ENOX1: variants seen among roughly 807,000 people sequenced by gnomAD.
The protein encoded by ENOX1 is ecto-NOX disulfide-thiol exchanger 1, also known as candidate growth-related and time keeping constitutive hydroquinone (NADH) oxidase.
A neutral mutation model predicts 82.5 loss-of-function variants in ENOX1; 42 were observed. The ratio of observed to expected loss-of-function variants is 0.51; its 90% CI spans 0.40 to 0.66. The LOEUF is 0.66. Among genes scored for constraint, ENOX1 ranks in the 30% least tolerant of loss-of-function variants. The pLI is 0.00. For missense variants in ENOX1, 608 were observed against 811.6 expected, an observed-to-expected ratio of 0.75 and a Z score of 3.05; for synonymous variants, 271 against 282.2, an observed-to-expected ratio of 0.96 and a Z score of 0.40.
intron 1 of ENOX1, among the ~76,000 whole-genome samples, chr13:43,694,745 C>T (rs2086549581): frequency 6.6e-6 from 1 of 152,022 alleles, no homozygotes; most frequent in South Asian, 2.1e-4. Flanking sequence ...ACCACTTTGC[C>T]CTCTCCTATT....
chr13:43,495,668 T>C (rs1216691836), intron 2 of ENOX1, among the ~76,000 whole-genome samples: 1 of 110,696 alleles, frequency 9.0e-6, no homozygotes, highest in African/African-American at 2.8e-5. Flanking sequence ...CAGGGCTTTA[T>C]GTTCTTATAC....
rs187499850 is a variant in ENOX1, at chr13:43,416,975, G to C, written c.-74-3987C>G. Among the ~76,000 whole-genome samples the C allele has an allele frequency of 1.9e-3, 285 of 152,316 alleles. 2 individuals carry two copies. The highest frequency in any genetic ancestry group is 0.014 in the Middle Eastern group (4 of 294). On this transcript the variant is annotated intron_variant, in intron 3 of 16. Coordinates refer to ENST00000690772, the MANE Select transcript of ENOX1 (RefSeq NM_001347969.2). ...TTCAATCCCAGCACCTCGGGAGGCCGGGGCGGGCAGATCACTCGAGGTCAA... is the reference window on the plus strand; with the variant it reads ...TTCAATCCCAGCACCTCGGGAGGCCCGGGCGGGCAGATCACTCGAGGTCAA...
intron 1 of ENOX1, among the ~76,000 whole-genome samples, chr13:43,676,725 G>A (rs1449245126): frequency 6.6e-6 from 1 of 152,050 alleles, no homozygotes; most frequent in African/African-American, 2.4e-5. Flanking sequence ...TGAAATAACT[G>A]GACTGAGAAC....
chr13:43,370,984 G>A (rs759689146), intron 5 of ENOX1, among the ~76,000 whole-genome samples: 2 of 151,422 alleles, frequency 1.3e-5, no homozygotes, highest in South Asian at 2.1e-4. Context: ...ATCAGCCAGC[G>A]ATGCACACGG....
chr13:43,598,560 G>C (rs2081567876), intron 2 of ENOX1, among the ~76,000 whole-genome samples: 1 of 152,170 alleles, frequency 6.6e-6, no homozygotes, highest in Non-Finnish European at 1.5e-5. Flanking sequence ...TCTATGGGCA[G>C]AAGACACAAG....
At chr13:43,729,625 T>C (rs1319813358) in intron 1 of ENOX1, among the ~76,000 whole-genome samples, 1 of 152,230 alleles carries the variant, frequency 6.6e-6, no homozygotes, top group Non-Finnish European at 1.5e-5. Flanking sequence ...GTGCATTCTC[T>C]ACCATCTCTC....
chr13:43,770,686 TACACACACACACACACACACACACAC>T (rs149111203), intron 1 of ENOX1, among the ~76,000 whole-genome samples: 2 of 146,244 alleles, frequency 1.4e-5, no homozygotes, highest in East Asian at 2.0e-4. Flanking sequence ...TACGTATGTG[TACACACACACACACACACACACACAC>T]ACACACACAC....
chr13:43,423,562 C>T (rs998856862), intron 3 of ENOX1, among the ~76,000 whole-genome samples: 2 of 152,230 alleles, frequency 1.3e-5, no homozygotes, highest in Non-Finnish European at 2.9e-5. Context: ...TATCCAGCCT[C>T]AGCTAGTGAT....
At chr13:43,573,521 A>G (rs576813146) in intron 2 of ENOX1, among the ~76,000 whole-genome samples, 17 of 152,230 alleles carry the variant, frequency 1.1e-4, no homozygotes, top group Non-Finnish European at 2.4e-4. Context: ...AGGGCGTGAC[A>G]TTAGCATGAA....
intron 1 of ENOX1, among the ~76,000 whole-genome samples, chr13:43,705,438 A>G (rs1000334064): frequency 1.3e-5 from 2 of 151,506 alleles, no homozygotes; most frequent in Admixed American, 1.3e-4. Context: ...ATTAAAAAAG[A>G]TGCACTTTAA....
At chr13:43,254,602 A>G (rs1050183560) in intron 14 of ENOX1, among the ~76,000 whole-genome samples, 3 of 152,238 alleles carry the variant, frequency 2.0e-5, no homozygotes, top group African/African-American at 7.2e-5. Context: ...CTTATTATCC[A>G]TGAGAACAAA....
intron 12 of ENOX1, among the ~76,000 whole-genome samples, chr13:43,285,239 T>C (rs2045626332): frequency 6.6e-6 from 1 of 152,206 alleles, no homozygotes; most frequent in African/African-American, 2.4e-5. Flanking sequence ...CCAGACACTT[T>C]AACTGACTAA....
At chr13:43,373,156 C>T (rs949316070) in intron 5 of ENOX1, among the ~76,000 whole-genome samples, 3 of 151,316 alleles carry the variant, frequency 2.0e-5, no homozygotes, top group East Asian at 1.9e-4. Flanking sequence ...AGACTGCTTT[C>T]ATGTCCTTCC....
intron 2 of ENOX1, among the ~76,000 whole-genome samples, chr13:43,628,368 T>C (rs559488824): frequency 6.6e-6 from 1 of 152,338 alleles, no homozygotes; most frequent in Admixed American, 6.5e-5. Flanking sequence ...TGCCTTCCTT[T>C]CTCCCCTTCA....
intron 2 of ENOX1, among the ~76,000 whole-genome samples, chr13:43,613,943 A>T (rs2082301555): frequency 6.6e-6 from 1 of 152,084 alleles, no homozygotes; most frequent in Admixed American, 6.6e-5. Context: ...AAAAAAAAAT[A>T]AATAAATAAA....
intron 3 of ENOX1, among the ~76,000 whole-genome samples, chr13:43,456,464 C>T (rs1290933081): frequency 6.6e-6 from 1 of 152,104 alleles, no homozygotes; most frequent in East Asian, 1.9e-4. Flanking sequence ...ACTGGCATCC[C>T]TCCGAGGTAA....
intron 2 of ENOX1, among the ~76,000 whole-genome samples, chr13:43,543,509 T>C (rs1349565991): frequency 6.6e-6 from 1 of 151,974 alleles, no homozygotes; most frequent in Non-Finnish European, 1.5e-5. Context: ...TAGTAAAAAA[T>C]GAGTCACTGA....
At chr13:43,749,037 T>C (rs959413792) in intron 1 of ENOX1, among the ~76,000 whole-genome samples, 1 of 152,168 alleles carries the variant, frequency 6.6e-6, no homozygotes, top group Non-Finnish European at 1.5e-5. Flanking sequence ...GTTATGAAGG[T>C]CAAATTAGTA....
At chr13:43,343,124 T>C (rs1312750313) in intron 9 of ENOX1, among the ~76,000 whole-genome samples, 1 of 152,238 alleles carries the variant, frequency 6.6e-6, no homozygotes, top group Non-Finnish European at 1.5e-5. Context: ...TTCAGGCATA[T>C]GACTTCTTAC....
Sources: allele counts gnomAD v4.1 joint callset (sites outside exome capture counted in the v4.1 genomes callset), GRCh38; gene constraint gnomAD v4.1.1; transcripts MANE v1.5; gene names NCBI Gene and HGNC (gene_info 2026-07-23, HGNC 2026-07-21).